The following DLGAP2 variants were observed in gnomAD, a reference collection of about 807,000 sequenced individuals.
DLGAP2 encodes disks large-associated protein 2.
In DLGAP2, 26 loss-of-function variants were observed where a neutral mutation model predicts 100.3. The observed-to-expected ratio is 0.26, with a 90% confidence interval of 0.19 to 0.36. The LOEUF (loss-of-function observed/expected upper bound fraction) is 0.36. Ranked by LOEUF, DLGAP2 falls within the 10% of genes least tolerant of loss-of-function variation. DLGAP2 has a pLI of 1.00. For synonymous variants in DLGAP2, 886 were observed against 630.1 expected, an observed-to-expected ratio of 1.41 and a Z score of -6.08; for missense variants, 1,858 against 1,453.2, an observed-to-expected ratio of 1.28 and a Z score of -4.53.
chr8:1,148,727 T>A (rs186237300), intron 2 of DLGAP2, among the ~76,000 whole-genome samples: 2 of 152,322 alleles, frequency 1.3e-5, no homozygotes, highest in Admixed American at 6.5e-5. Flanking sequence ...CATTTTCTAG[T>A]TAGCTTTTCA....
chr8:1,126,070 G>A (rs1022869940), intron 2 of DLGAP2, among the ~76,000 whole-genome samples: 1 of 152,176 alleles, frequency 6.6e-6, no homozygotes, highest in African/African-American at 2.4e-5. Flanking sequence ...ACATGTCTTC[G>A]AACACGCGGG....
chr8:1,518,739 A>G (rs887645385), intron 4 of DLGAP2, among the ~76,000 whole-genome samples: 1 of 152,172 alleles, frequency 6.6e-6, no homozygotes, highest in East Asian at 1.9e-4. Context: ...TATTGTGATA[A>G]TATATAAATT....
chr8:1,489,784 A>G (rs1210264753), intron 3 of DLGAP2, among the ~76,000 whole-genome samples: 2 of 152,246 alleles, frequency 1.3e-5, no homozygotes, highest in Non-Finnish European at 2.9e-5. Context: ...ACGTAACGTT[A>G]CGATGGGAAT....
At chr8:1,030,937 C>T (rs1319734093) in intron 2 of DLGAP2, among the ~76,000 whole-genome samples, 1 of 152,226 alleles carries the variant, frequency 6.6e-6, no homozygotes, top group African/African-American at 2.4e-5. Flanking sequence ...CGGTGCCTGA[C>T]CCAGTGTCAG....
chr8:1,291,780 A>T (rs553994675), intron 3 of DLGAP2, among the ~76,000 whole-genome samples: 1 of 152,192 alleles, frequency 6.6e-6, no homozygotes, highest in South Asian at 2.1e-4. Context: ...CCCGGGGGCC[A>T]GTTTTCATCA....
chr8:1,433,408 C>T (rs570977518), intron 3 of DLGAP2, among the ~76,000 whole-genome samples: 1 of 152,190 alleles, frequency 6.6e-6, no homozygotes, highest in Non-Finnish European at 1.5e-5. Flanking sequence ...GCTGCGGTGG[C>T]CAGGCCCAAG....
At chr8:1,634,830 C>G (rs1438163922) in intron 8 of DLGAP2, among the ~76,000 whole-genome samples, 1 of 152,116 alleles carries the variant, frequency 6.6e-6, no homozygotes, top group Non-Finnish European at 1.5e-5. Context: ...AGAACCAGTT[C>G]TGAGCTCAGA....
intron 2 of DLGAP2, among the ~76,000 whole-genome samples, chr8:1,077,905 G>C (rs1316376749): frequency 2.6e-5 from 4 of 152,298 alleles, no homozygotes; most frequent in African/African-American, 9.6e-5. Flanking sequence ...GAGTTCTCCA[G>C]CGGCCGCCGC....
At chr8:1,344,813 C>G (rs74528843) in intron 3 of DLGAP2, among the ~76,000 whole-genome samples, 3,763 of 152,256 alleles carry the variant, frequency 0.025, 180 homozygotes, top group African/African-American at 0.086. Context: ...GTGTGTCTGA[C>G]TCACAGCAGG....
intron 2 of DLGAP2, among the ~76,000 whole-genome samples, chr8:942,081 C>T (rs895348555): frequency 1.3e-5 from 2 of 152,102 alleles, no homozygotes; most frequent in Non-Finnish European, 2.9e-5. Context: ...CCTCTGGCCT[C>T]GAGTCACTGG....
At chr8:1,557,401 G>A (rs1409993761) in intron 5 of DLGAP2, among the ~76,000 whole-genome samples, 1 of 152,168 alleles carries the variant, frequency 6.6e-6, no homozygotes, top group Non-Finnish European at 1.5e-5. Context: ...GGCCACGGGT[G>A]TCCTCTCAAC....
chr8:1,466,426 G>C (rs1798627939), intron 3 of DLGAP2, among the ~76,000 whole-genome samples: 1 of 152,048 alleles, frequency 6.6e-6, no homozygotes, highest in Admixed American at 6.5e-5. Context: ...AACCACGCGT[G>C]CAGTGACCCT....
chr8:1,009,593 C>A (rs1401356970), intron 2 of DLGAP2, among the ~76,000 whole-genome samples: 1 of 152,208 alleles, frequency 6.6e-6, no homozygotes, highest in Admixed American at 6.5e-5. Flanking sequence ...TGGATGGAGT[C>A]AGTGATTATG....
chr8:964,580 C>T (rs1799801564), intron 2 of DLGAP2, among the ~76,000 whole-genome samples: 1 of 152,260 alleles, frequency 6.6e-6, no homozygotes, highest in Admixed American at 6.5e-5. Context: ...GCCGTGTTCC[C>T]CACGCGGGAA....
intron 1 of DLGAP2, among the ~76,000 whole-genome samples, chr8:770,904 G>T (rs894675739): frequency 2.6e-5 from 4 of 151,490 alleles, no homozygotes; most frequent in Non-Finnish European, 1.5e-5. Flanking sequence ...AGGACTCTTA[G>T]GGATGGAAAA....
chr8:948,692 C>T (rs1434127926), intron 2 of DLGAP2, among the ~76,000 whole-genome samples: 1 of 152,266 alleles, frequency 6.6e-6, no homozygotes, highest in Non-Finnish European at 1.5e-5. Context: ...GGCCCCACGT[C>T]TCCCTGCTGC....
chr8:1,173,530 C>T (rs1003766644), intron 2 of DLGAP2, among the ~76,000 whole-genome samples: 2 of 152,184 alleles, frequency 1.3e-5, no homozygotes, highest in African/African-American at 4.8e-5. Context: ...CTGTGGTGGG[C>T]TCCACCCAGT....
intron 6 of DLGAP2, among the ~76,000 whole-genome samples, chr8:1,580,298 A>AG (rs767931043): frequency 5.9e-5 from 9 of 152,332 alleles, no homozygotes; most frequent in Non-Finnish European, 1.2e-4. Context: ...AAAGAGGCAG[A>AG]GGGAAAGACC....
chr8:1,661,656 G>A (rs1473574980), intron 8 of DLGAP2, among the ~76,000 whole-genome samples: 2 of 152,168 alleles, frequency 1.3e-5, no homozygotes, highest in Non-Finnish European at 2.9e-5. Context: ...GTGGATGTGA[G>A]GTCTTTGGTC....
Sources: gnomAD v4.1 joint callset for allele counts (sites outside exome capture counted in the v4.1 genomes callset) on GRCh38, gnomAD v4.1.1 for gene constraint, MANE v1.5 for transcripts, NCBI Gene and HGNC (gene_info 2026-07-23, HGNC 2026-07-21) for gene names.